Variants in THSD7B observed in about 807,000 individuals in gnomAD.
THSD7B encodes thrombospondin type-1 domain-containing protein 7B.
Under a neutral mutation model 213.6 loss-of-function variants are expected in THSD7B, and 138 were observed. The observed-to-expected ratio is 0.65, with a 90% confidence interval of 0.56 to 0.74. The LOEUF is 0.74. THSD7B is among the 30% of genes least tolerant of loss of function. The pLI is 0.00. For missense variants in THSD7B, 1,931 were observed against 1,991.5 expected, an observed-to-expected ratio of 0.97 and a Z score of 0.58; for synonymous variants, 742 against 687.0, an observed-to-expected ratio of 1.08 and a Z score of -1.25.
At chr2:136,809,120 A>T (rs1682335017) in intron 1 of THSD7B, among the ~76,000 whole-genome samples, 1 of 152,188 alleles carries the variant, frequency 6.6e-6, no homozygotes. Context: ...TAAACATATA[A>T]TATAATGTAA....
intron 21 of THSD7B, among the ~76,000 whole-genome samples, chr2:137,648,022 G>T (rs1317333724): frequency 2.0e-5 from 3 of 152,166 alleles, no homozygotes; most frequent in Admixed American, 6.5e-5. Flanking sequence ...TCTTTGAAGT[G>T]TGAACACCTG....
intron 27 of THSD7B, among the ~76,000 whole-genome samples, chr2:137,674,639 C>A (rs999726594): frequency 3.9e-5 from 6 of 152,120 alleles, no homozygotes; most frequent in Admixed American, 1.3e-4. Context: ...TTAAGCAATA[C>A]CCTTTTGAAA....
At chr2:137,319,947 G>C (rs961166402) in intron 12 of THSD7B, among the ~76,000 whole-genome samples, 7 of 152,154 alleles carry the variant, frequency 4.6e-5, no homozygotes, top group Non-Finnish European at 1.0e-4. Flanking sequence ...TCATGGATGA[G>C]ACTCCTGGAG....
At chr2:137,265,527 C>A (rs553562238) in intron 10 of THSD7B, among the ~76,000 whole-genome samples, 3 of 152,228 alleles carry the variant, frequency 2.0e-5, no homozygotes, top group African/African-American at 7.2e-5. Flanking sequence ...ATGTTTATTG[C>A]GGCATTATTC....
intron 2 of THSD7B, among the ~76,000 whole-genome samples, chr2:136,935,979 T>G (rs1684719321): frequency 6.8e-6 from 1 of 148,080 alleles, no homozygotes; most frequent in Non-Finnish European, 1.5e-5. Flanking sequence ...ATATATTATC[T>G]ATATATTTTA....
At chr2:136,959,709 A>G (rs1174468949) in intron 2 of THSD7B, among the ~76,000 whole-genome samples, 1 of 152,234 alleles carries the variant, frequency 6.6e-6, no homozygotes, top group Non-Finnish European at 1.5e-5. Flanking sequence ...AATAGATTGC[A>G]AAGGGGCCGA....
At chr2:136,940,726 TAA>T (rs1684807247) in intron 2 of THSD7B, among the ~76,000 whole-genome samples, 1 of 42,228 alleles carries the variant, frequency 2.4e-5, no homozygotes, top group Non-Finnish European at 7.2e-5. Flanking sequence ...TATATATATA[TAA>T]TATATATATA....
At chr2:137,540,974 G>A (rs923859450) in intron 15 of THSD7B, among the ~76,000 whole-genome samples, 1 of 151,638 alleles carries the variant, frequency 6.6e-6, no homozygotes, top group Non-Finnish European at 1.5e-5. Context: ...CTGGGTGGAA[G>A]CAAAAAATTG....
chr2:136,984,605 T>C (rs1412222799), intron 2 of THSD7B, among the ~76,000 whole-genome samples: 2 of 152,136 alleles, frequency 1.3e-5, no homozygotes, highest in East Asian at 3.8e-4. Flanking sequence ...GTTTTTTAAA[T>C]AAATTGCCTA....
At chr2:137,639,286 G>A (rs1682893430) in intron 20 of THSD7B, among the ~76,000 whole-genome samples, 1 of 152,156 alleles carries the variant, frequency 6.6e-6, no homozygotes, top group African/African-American at 2.4e-5. Context: ...GAAGCCCCAA[G>A]CCTTGGCAGC....
intron 15 of THSD7B, among the ~76,000 whole-genome samples, chr2:137,522,873 G>A (rs1297253414): frequency 1.3e-5 from 2 of 152,118 alleles, no homozygotes; most frequent in Admixed American, 1.3e-4. Context: ...ATTTGTGCTG[G>A]GTGATTGCAT....
At chr2:137,408,205 G>C (rs886125560) in intron 13 of THSD7B, among the ~76,000 whole-genome samples, 2 of 152,066 alleles carry the variant, frequency 1.3e-5, no homozygotes, top group Admixed American at 6.6e-5. Context: ...CATAAACATA[G>C]AGGCAGCATA....
chr2:137,179,789 G>A (rs1305484386), intron 7 of THSD7B, among the ~76,000 whole-genome samples: 1 of 152,050 alleles, frequency 6.6e-6, no homozygotes, highest in Non-Finnish European at 1.5e-5. Context: ...TACCTTGATG[G>A]TAATTTGCTT....
intron 6 of THSD7B, among the ~76,000 whole-genome samples, chr2:137,168,127 G>T (rs1021980402): frequency 1.3e-5 from 2 of 152,196 alleles, no homozygotes; most frequent in East Asian, 3.8e-4. Flanking sequence ...CCCAGTCTTG[G>T]TAAAGGGTGG....
chr2:137,109,307 C>G (rs1688306662), intron 4 of THSD7B, among the ~76,000 whole-genome samples: 2 of 152,208 alleles, frequency 1.3e-5, no homozygotes, highest in African/African-American at 4.8e-5. Context: ...GAATAACACT[C>G]ACAATCTATC....
At chr2:136,787,754 C>G (rs11890320) in intron 1 of THSD7B, among the ~76,000 whole-genome samples, 1 of 151,888 alleles carries the variant, frequency 6.6e-6, no homozygotes. Flanking sequence ...AAAGCTTGGC[C>G]GTGTGATTTG....
chr2:137,640,486 G>A (rs1682919415), intron 20 of THSD7B, among the ~76,000 whole-genome samples: 1 of 152,148 alleles, frequency 6.6e-6, no homozygotes. Context: ...AGCTATCTTA[G>A]CTGTCTTGCT....
intron 17 of THSD7B, among the ~76,000 whole-genome samples, chr2:137,576,690 G>A (rs1252437890): frequency 6.6e-6 from 1 of 152,014 alleles, no homozygotes; most frequent in Non-Finnish European, 1.5e-5. Flanking sequence ...TGCAGAAGCT[G>A]CCATTATTTC....
intron 5 of THSD7B, among the ~76,000 whole-genome samples, chr2:137,137,669 G>T (rs1472281928): frequency 6.6e-6 from 1 of 152,052 alleles, no homozygotes; most frequent in East Asian, 1.9e-4. Flanking sequence ...TATGATGTTT[G>T]CACCACAAAA....
Sources: gnomAD v4.1 joint callset for allele counts (sites outside exome capture counted in the v4.1 genomes callset) on GRCh38, gnomAD v4.1.1 for gene constraint, MANE v1.5 for transcripts, NCBI Gene and HGNC (gene_info 2026-07-23, HGNC 2026-07-21) for gene names.